The following SPRED1 variants were observed in gnomAD, a reference collection of about 807,000 sequenced individuals.
The protein encoded by SPRED1 is sprouty-related, EVH1 domain-containing protein 1.
In SPRED1, 18 loss-of-function variants were observed where a neutral mutation model predicts 52.3. That is an observed-to-expected ratio of 0.34 (90% CI 0.24 to 0.51). The LOEUF is 0.51. SPRED1 is among the 20% of genes least tolerant of loss of function. The pLI is 0.97. For missense variants in SPRED1, 485 were observed against 551.0 expected (o/e 0.88, Z 1.20); for synonymous variants, 155 against 179.7 (o/e 0.86, Z 1.10).
At chr15:38,340,830 C>T (rs1192283488) in intron 5 of SPRED1, among the ~76,000 whole-genome samples, 2 of 152,036 alleles carry the variant, frequency 1.3e-5, no homozygotes, top group Admixed American at 6.6e-5. Context: ...GCACCTGGCC[C>T]CTTTCTTACA....
intron 1 of SPRED1, among the ~76,000 whole-genome samples, chr15:38,292,397 C>G (rs541548903): frequency 1.3e-5 from 2 of 152,262 alleles, no homozygotes; most frequent in African/African-American, 4.8e-5. Context: ...TCAGCAATAC[C>G]CCACTCTACT....
chr15:38,334,281 T>G (rs1895864417), intron 4 of SPRED1, among the ~76,000 whole-genome samples: 1 of 152,038 alleles, frequency 6.6e-6, no homozygotes, highest in African/African-American at 2.4e-5. Context: ...AAAATATGAC[T>G]TCAAGATAGG....
intron 2 of SPRED1, among the ~76,000 whole-genome samples, chr15:38,321,962 C>T (rs946042558): frequency 1.3e-5 from 2 of 152,046 alleles, no homozygotes; most frequent in African/African-American, 4.8e-5. Context: ...GAAGTAATTC[C>T]TGATATATTC....
At chr15:38,269,861 G>T (rs977970588) in intron 1 of SPRED1, among the ~76,000 whole-genome samples, 1 of 150,544 alleles carries the variant, frequency 6.6e-6, no homozygotes, top group Non-Finnish European at 1.5e-5. Context: ...GGCCAGTGTT[G>T]ACTGCTGTAT....
At chr15:38,310,813 T>C (rs1240809245) in intron 2 of SPRED1, among the ~76,000 whole-genome samples, 1 of 152,220 alleles carries the variant, frequency 6.6e-6, no homozygotes, top group African/African-American at 2.4e-5. Context: ...CATTTGTTGT[T>C]CTTGTATCCT....
intron 1 of SPRED1, among the ~76,000 whole-genome samples, chr15:38,294,770 T>A (rs908636481): frequency 6.6e-6 from 1 of 152,186 alleles, no homozygotes; most frequent in Non-Finnish European, 1.5e-5. Flanking sequence ...GTACTGCTAG[T>A]CATTTTGTTT....
chr15:38,261,986 A>C (rs1419267126), intron 1 of SPRED1, among the ~76,000 whole-genome samples: 2 of 141,570 alleles, frequency 1.4e-5, no homozygotes, highest in South Asian at 2.2e-4. Context: ...ACTTCAGCAC[A>C]GTCACCAAAC....
chr15:38,354,726 T>C lies in SPRED1; in HGVS notation c.*3062T>C, dbSNP rs976983247. 3 of 152,208 alleles carry C rather than the reference T, an allele frequency of 2.0e-5. No homozygotes were observed. The highest frequency in any genetic ancestry group is 2.1e-4 in the South Asian group (1 of 4,830). 9.4% of individuals were successfully genotyped at this position (152,208 alleles called of 1,614,324 possible). ...ATTTTAAGCACTTTTTTCTTACATA[T>C]CCTGTTTTAAAATATTTGTTGATAT... On this transcript the variant is annotated 3_prime_UTR_variant, in exon 7 of 7. Transcript: ENST00000299084.
In SPRED1 at chr15:38,351,660, G is replaced by A. The variant is rs1888491868; in HGVS notation, c.1331G>A (p.Gly444Glu). 1 of 1,611,796 alleles carries A rather than the reference G, an allele frequency of 6.2e-7. No individual in the cohort carries two copies. Among genetic ancestry groups the A allele is most frequent in the Non-Finnish European group, 8.5e-7 (1 of 1,179,960 alleles). The part of the protein sequence containing the change: ...GCCGGKHKAA[G>E] ...TGTGGTGGGAAACATAAAGCTGCTG[G>A]ATGAAATGGTCCAGTGCCAAAATGA... is the stretch of plus-strand genomic sequence containing the variant. The change falls in exon 7 of 7, where the codon GGA becomes GAA. Residue 444 changes from glycine to glutamate, a missense_variant. Gly to Glu is a moderately conservative substitution (Grantham distance 98, BLOSUM62 -2). Around this residue, in one of 5 missense-constraint regions of SPRED1, gnomAD observed 205 missense variants for 245.2 expected, o/e 0.84. Coordinates refer to ENST00000299084, the MANE Select transcript of SPRED1 (RefSeq NM_152594.3).
At chr15:38,324,729 T>G (rs749329100) in intron 3 of SPRED1, 34 bp from the exon 4 acceptor site, 1 of 1,549,586 alleles carries the variant, frequency 6.5e-7, no homozygotes, top group Admixed American at 1.8e-5. Context: ...AGACAAAAAT[T>G]CTATACTTAA....
intron 1 of SPRED1, among the ~76,000 whole-genome samples, chr15:38,258,666 T>G (rs1894149049): frequency 6.6e-6 from 1 of 152,222 alleles, no homozygotes; most frequent in Non-Finnish European, 1.5e-5. Flanking sequence ...TTTGCCAATT[T>G]TGAAGGTAGA....
intron 5 of SPRED1, among the ~76,000 whole-genome samples, chr15:38,342,028 G>C (rs944914171): frequency 3.7e-5 from 4 of 107,624 alleles, no homozygotes; most frequent in African/African-American, 1.2e-4. Flanking sequence ...TTGGGTTTGG[G>C]TTTTTTTTTT....
intron 1 of SPRED1, among the ~76,000 whole-genome samples, chr15:38,256,267 T>A (rs1372058693): frequency 6.6e-6 from 1 of 152,140 alleles, no homozygotes; most frequent in African/African-American, 2.4e-5. Context: ...GCCACATACA[T>A]GTTTGTTTTG....
intron 1 of SPRED1, among the ~76,000 whole-genome samples, chr15:38,256,574 A>C (rs1216362528): frequency 2.6e-5 from 4 of 152,164 alleles, no homozygotes; most frequent in Admixed American, 2.6e-4. Context: ...TAGGCTTTCT[A>C]ATAGCAAGTT....
At chr15:38,316,178 A>C (rs1463897571) in intron 2 of SPRED1, among the ~76,000 whole-genome samples, 1 of 151,920 alleles carries the variant, frequency 6.6e-6, no homozygotes, top group Non-Finnish European at 1.5e-5. Context: ...GCTGTCTCTT[A>C]ACCTGGTGTA....
At chr15:38,333,076 T>C (rs10852017) in intron 4 of SPRED1, among the ~76,000 whole-genome samples, 125,293 of 152,104 alleles carry the variant, frequency 0.82, 52,411 homozygotes, top group Non-Finnish European at 0.9. Context: ...GGTAATTAGA[T>C]TTCCACATAT....
chr15:38,324,771 G>C lies in SPRED1; in HGVS notation c.385G>C (p.Glu129Gln). The part of the protein sequence containing the change: ...AIEDISQGCP[E>Q]SKNEAEGADD... ...TTTATCTATTTTCTTAGGATGCCCC[G>C]AATCAAAAAATGAAGCTGAAGGGGC... Residue 129 changes from glutamate (E) to glutamine (Q), a missense_variant, in exon 4 of 7, where the codon GAA becomes CAA. Around this residue, in one of 5 missense-constraint regions of SPRED1, gnomAD observed 232 missense variants for 231.8 expected, o/e 1.00. Transcript: ENST00000299084. The C allele has an allele frequency of 6.2e-7, 1 of 1,609,398 alleles. No homozygotes were observed. Among genetic ancestry groups the C allele is most frequent in the Non-Finnish European group, 8.5e-7 (1 of 1,177,884 alleles).
chr15:38,330,553 C>CT lies in SPRED1; in HGVS notation c.423+5751dup, dbSNP rs982953364. Among the ~76,000 whole-genome samples, 145 of 152,040 alleles carry CT rather than the reference C, an allele frequency of 9.5e-4. 2 individuals carry two copies. Among genetic ancestry groups the CT allele is most frequent in the Admixed American group, 1.6e-3 (25 of 15,262 alleles). On this transcript the variant is annotated intron_variant, in intron 4 of 6. Coordinates refer to ENST00000299084, the MANE Select transcript of SPRED1 (RefSeq NM_152594.3). Reference sequence around the variant, plus strand: ...TTGTGGAATTAGAGTAATTTTTTTCCTTTTTTTCTATGGTTCCTAAGCTAG... The same window carrying CT: ...TTGTGGAATTAGAGTAATTTTTTTCCTTTTTTTTCTATGGTTCCTAAGCTAG...
intron 2 of SPRED1, among the ~76,000 whole-genome samples, chr15:38,303,380 A>G (rs985846413): frequency 6.6e-6 from 1 of 152,104 alleles, no homozygotes; most frequent in Non-Finnish European, 1.5e-5. Context: ...CACATTGCCT[A>G]TTTAGTTTTC....
Sources: allele counts gnomAD v4.1 joint callset (sites outside exome capture counted in the v4.1 genomes callset), GRCh38; gene constraint gnomAD v4.1.1; regional missense constraint gnomAD v4.1.1; transcripts MANE v1.5; gene names NCBI Gene and HGNC (gene_info 2026-07-23, HGNC 2026-07-21).